DENND5B: variants seen among roughly 807,000 people sequenced by gnomAD.
The protein encoded by DENND5B is DENN domain-containing protein 5B.
Under a neutral mutation model 140.6 loss-of-function variants are expected in DENND5B, and 34 were observed. The observed-to-expected ratio is 0.24, with a 90% confidence interval of 0.18 to 0.32. DENND5B has a LOEUF of 0.32. DENND5B is among the 10% of genes least tolerant of loss of function. The probability of loss-of-function intolerance (pLI) is 1.00; values close to 1 mark genes in which losing one functional copy is unlikely to be tolerated. For missense variants in DENND5B, 1,142 were observed against 1,560.2 expected, an observed-to-expected ratio of 0.73 and a Z score of 4.52; for synonymous variants, 551 against 562.1, an observed-to-expected ratio of 0.98 and a Z score of 0.28.
At chr12:31,398,467 G>T in intron 16 of DENND5B, 105 bp from the exon 17 acceptor site, 2 of 1,115,068 alleles carry the variant, frequency 1.8e-6, no homozygotes, top group South Asian at 1.8e-5. Context: ...ACCACACCTG[G>T]CTAATTTTTG....
Position 31,452,019 on chromosome 12 carries a change from T to A in DENND5B, c.1550A>T (p.Tyr517Phe). 1 of 1,613,726 alleles carries A rather than the reference T, an allele frequency of 6.2e-7. No homozygotes were observed. The highest frequency in any genetic ancestry group is 8.5e-7 in the Non-Finnish European group (1 of 1,179,852). Residue 517 changes from tyrosine (Y) to phenylalanine (F), a missense_variant, in exon 5 of 21, where the codon TAC becomes TTC. Physicochemically the swap from Tyr to Phe is conservative, Grantham distance 22. Coordinates refer to ENST00000389082, the MANE Select transcript of DENND5B (RefSeq NM_144973.4). ...ANRFTQMFADYEAFVIQTAQD... is the reference protein window; with the variant it reads ...ANRFTQMFADFEAFVIQTAQD... ...GGCAGTCTGAATGACAAATGCTTCG[T>A]AATCTGCAAACATCTGTGTAAAACG...
chr12:31,460,073 T>TG (rs1944945432), intron 4 of DENND5B, 121 bp downstream of exon 4: 6 of 960,918 alleles, frequency 6.2e-6, no homozygotes, highest in Admixed American at 5.5e-5. Context: ...TAGCCATACT[T>TG]GGAGATTTAG....
At chr12:31,511,913 C>T (rs1947432966) in intron 1 of DENND5B, among the ~76,000 whole-genome samples, 1 of 143,420 alleles carries the variant, frequency 7.0e-6, no homozygotes. Context: ...AACATCCCCT[C>T]CACTGCCCTT....
chr12:31,432,907 T>C (rs944464438), intron 8 of DENND5B: 34 of 407,006 alleles, frequency 8.4e-5, no homozygotes, highest in Admixed American at 5.0e-4. Context: ...CTCAACTTGA[T>C]CTTTACTTGA....
chr12:31,566,622 T>A (rs1319556970), intron 1 of DENND5B, among the ~76,000 whole-genome samples: 5 of 151,988 alleles, frequency 3.3e-5, no homozygotes, highest in African/African-American at 7.3e-5. Context: ...TTTTTAAAAA[T>A]TTTTTAAAGA....
At chr12:31,452,789 C>T (rs1565593301) in intron 4 of DENND5B, among the ~76,000 whole-genome samples, 2 of 151,802 alleles carry the variant, frequency 1.3e-5, no homozygotes, top group Non-Finnish European at 2.9e-5. Flanking sequence ...ATCATTTTTC[C>T]CTATGTGAGT....
At chr12:31,401,667 G>C (rs1328305839) in intron 15 of DENND5B, among the ~76,000 whole-genome samples, 1 of 152,164 alleles carries the variant, frequency 6.6e-6, no homozygotes, top group Non-Finnish European at 1.5e-5. Context: ...GTCTCACTCT[G>C]TCACCCAGGC....
At chr12:31,571,380 G>GA (rs56800682) in intron 1 of DENND5B, among the ~76,000 whole-genome samples, 3 of 150,492 alleles carry the variant, frequency 2.0e-5, no homozygotes, top group Non-Finnish European at 3.0e-5. Flanking sequence ...CCTTTCCATA[G>GA]AAAAAAAAAT....
chr12:31,409,977 A>G (rs1001391155), intron 13 of DENND5B, among the ~76,000 whole-genome samples: 1 of 152,234 alleles, frequency 6.6e-6, no homozygotes, highest in Non-Finnish European at 1.5e-5. Flanking sequence ...CCTCTTAGAC[A>G]AACACCTTTA....
At chr12:31,564,139 G>T (rs1949556684) in intron 1 of DENND5B, among the ~76,000 whole-genome samples, 1 of 151,870 alleles carries the variant, frequency 6.6e-6, no homozygotes, top group South Asian at 2.1e-4. Flanking sequence ...GAAAATGAAT[G>T]TTACTATTTA....
chr12:31,573,265 T>G (rs1449197666), intron 1 of DENND5B, among the ~76,000 whole-genome samples: 2 of 152,218 alleles, frequency 1.3e-5, no homozygotes, highest in Admixed American at 6.5e-5. Flanking sequence ...TGAAATAATA[T>G]ACTTTTAAGA....
intron 2 of DENND5B, among the ~76,000 whole-genome samples, chr12:31,492,141 T>G (rs1946549259): frequency 6.6e-6 from 1 of 152,208 alleles, no homozygotes; most frequent in African/African-American, 2.4e-5. Flanking sequence ...AAAAAAATGC[T>G]ATGTGGTGCT....
At chr12:31,563,663 T>A (rs1159563322) in intron 1 of DENND5B, among the ~76,000 whole-genome samples, 2 of 152,186 alleles carry the variant, frequency 1.3e-5, no homozygotes, top group Non-Finnish European at 2.9e-5. Context: ...ATTTAATTTT[T>A]AAAAATAAAA....
intron 2 of DENND5B, among the ~76,000 whole-genome samples, chr12:31,485,939 G>GC (rs1946289247): frequency 6.6e-6 from 1 of 152,180 alleles, no homozygotes; most frequent in Admixed American, 6.5e-5. Flanking sequence ...GATGATTTCA[G>GC]TCCTCAGACT....
chr12:31,421,488 ATTAC>A (rs1482998497), intron 11 of DENND5B, among the ~76,000 whole-genome samples: 6 of 152,232 alleles, frequency 3.9e-5, no homozygotes, highest in Non-Finnish European at 7.3e-5. Flanking sequence ...ATTACAACTT[ATTAC>A]TTAAGAATGA....
intron 7 of DENND5B, among the ~76,000 whole-genome samples, chr12:31,439,956 A>AG (rs1943960475): frequency 2.0e-5 from 3 of 149,564 alleles, no homozygotes; most frequent in South Asian, 2.1e-4. Flanking sequence ...AAAAAAAAAA[A>AG]AGGAAACAAA....
At chr12:31,560,457 C>T (rs976983961) in intron 1 of DENND5B, among the ~76,000 whole-genome samples, 3 of 152,194 alleles carry the variant, frequency 2.0e-5, no homozygotes, top group Non-Finnish European at 4.4e-5. Flanking sequence ...TACTATGTGG[C>T]CTGAGCCACC....
chr12:31,531,632 GA>G (rs1948286654), intron 1 of DENND5B, among the ~76,000 whole-genome samples: 1 of 152,172 alleles, frequency 6.6e-6, no homozygotes, highest in Non-Finnish European at 1.5e-5. Context: ...ACTTCCATAA[GA>G]AAAGTCTTTT....
At chr12:31,561,553 G>A (rs1022535792) in intron 1 of DENND5B, among the ~76,000 whole-genome samples, 4 of 152,078 alleles carry the variant, frequency 2.6e-5, no homozygotes, top group Admixed American at 6.6e-5. Flanking sequence ...TGATGCTTAC[G>A]TTTAAAATAT....
Sources: allele counts gnomAD v4.1 joint callset (sites outside exome capture counted in the v4.1 genomes callset), GRCh38; gene constraint gnomAD v4.1.1; transcripts MANE v1.5; gene names NCBI Gene and HGNC (gene_info 2026-07-23, HGNC 2026-07-21).